Variants in EGFR observed in about 807,000 individuals in gnomAD.
EGFR encodes avian erythroblastic leukemia viral (v-erb-b) oncogene homolog.
In EGFR, 58 loss-of-function variants were observed where a neutral mutation model predicts 143.0. The observed-to-expected ratio is 0.41, with a 90% CI of 0.33 to 0.50. The LOEUF (loss-of-function observed/expected upper bound fraction) is 0.50. Among genes scored for constraint, EGFR ranks in the 20% least tolerant of loss-of-function variants. EGFR has a pLI of 0.39. For missense variants in EGFR, 1,307 were observed against 1,579.0 expected (o/e 0.83, Z 2.92); for synonymous variants, 613 against 594.4 (o/e 1.03, Z -0.45).
intron 1 of EGFR, among the ~76,000 whole-genome samples, chr7:55,088,282 C>T (rs1009015696): frequency 2.6e-5 from 4 of 152,168 alleles, no homozygotes; most frequent in African/African-American, 9.7e-5. Flanking sequence ...GGGGGAGGCC[C>T]CCTTCGCACA....
chr7:55,143,022 G>T (rs904948262), intron 2 of EGFR, among the ~76,000 whole-genome samples: 12 of 152,176 alleles, frequency 7.9e-5, no homozygotes, highest in Non-Finnish European at 1.5e-4. Flanking sequence ...ATTTTCACTG[G>T]AGAGTGTTGA....
rs905850175 is a variant in EGFR, at chr7:55,026,342, T to C, written c.88+6977T>C. Among the ~76,000 whole-genome samples the C allele has an allele frequency of 2.6e-5, 4 of 152,210 alleles. No homozygotes were observed. In the South Asian group the frequency reaches 6.2e-4, roughly 24 times the overall value. ...ACAAGTTAGTCCATTAAAAGTTTCC[T>C]GCAGTGAGGAAATAGCCAGAAAGAA... On this transcript the variant is annotated intron_variant, in intron 1 of 27. Transcript: ENST00000275493.
Position 55,129,177 on chromosome 7 carries a change from C to T in EGFR, c.89-13109C>T, listed in dbSNP as rs565122607. 5.9e-5 allele frequency among the ~76,000 whole-genome samples: 9 copies of T among 152,236 alleles called. 1 individual carries two copies. Among genetic ancestry groups the T allele is most frequent in the African/African-American group, 1.9e-4 (8 of 41,524 alleles). ...TGAGTGCTCATACATGAGAGAAAGC[C>T]GTGGGGACTACAGAAGCCAAGAAGC... On this transcript the variant is annotated intron_variant, in intron 1 of 27. Transcript: ENST00000275493.
chr7:55,108,880 A>G (rs917748398), intron 1 of EGFR, among the ~76,000 whole-genome samples: 10 of 152,234 alleles, frequency 6.6e-5, no homozygotes, highest in African/African-American at 1.9e-4. Context: ...TGAACTCCAC[A>G]AACATGAACT....
Position 55,046,587 on chromosome 7 carries a change from GAA to G in EGFR, c.88+27237_88+27238del, listed in dbSNP as rs11337454. On this transcript the variant is annotated intron_variant, in intron 1 of 27. Coordinates refer to ENST00000275493, the MANE Select transcript of EGFR (RefSeq NM_005228.5). ...GTGTTAGTGTTAATAGATGTTCTTG[GAA>G]AAAAAAAAAAAAAACAGCATTCTGA... Among the ~76,000 whole-genome samples the G allele has an allele frequency of 3.9e-3, 528 of 133,684 alleles. 8 individuals are homozygous for G. Among genetic ancestry groups the G allele is most frequent in the South Asian group, 0.033 (142 of 4,298 alleles). The allele number at this position is 133,684 out of a possible 152,430, so 87.7% of individuals were successfully genotyped here.
chr7:55,191,995 C>A (rs2128964988), intron 21 of EGFR, 121 bp downstream of exon 21: 1 of 1,449,024 alleles, frequency 6.9e-7, no homozygotes, highest in Non-Finnish European at 9.5e-7. Context: ...TCTGGGTGAG[C>A]TCGCAGCAGC....
intron 1 of EGFR, among the ~76,000 whole-genome samples, chr7:55,087,010 CA>C (rs1197268113): frequency 6.6e-6 from 1 of 152,040 alleles, no homozygotes; most frequent in Non-Finnish European, 1.5e-5. Context: ...GGAAGTCATC[CA>C]GAGTTATAAT....
At position 55,165,411 on chromosome 7, in the gene EGFR, C is replaced by T. The variant is rs2128946470; in HGVS notation, c.1854C>T (p.His618=). 1 of 1,614,102 alleles carries T rather than the reference C, an allele frequency of 6.2e-7. No homozygotes were observed. The highest frequency in any genetic ancestry group is 8.5e-7 in the Non-Finnish European group (1 of 1,179,954). Residue 618 remains histidine (H), a synonymous_variant, in exon 15 of 28, where the codon CAC becomes CAT. Transcript: ENST00000275493. The part of the protein sequence containing the change: ...WKYADAGHVC[H]LCHPNCTYGC... The stretch of plus-strand genomic sequence containing the variant: ...ACGCAGACGCCGGCCATGTGTGCCA[C>T]CTGTGCCATCCAAACTGCACCTACG...
At chr7:55,178,003 G>A (rs987308145) in intron 19 of EGFR, among the ~76,000 whole-genome samples, 1 of 152,226 alleles carries the variant, frequency 6.6e-6, no homozygotes, top group African/African-American at 2.4e-5. Context: ...TCTATCAGAT[G>A]TTAGTAGGAT....
intron 15 of EGFR, 21 bp downstream of exon 15, chr7:55,165,458 A>G (rs1271605530): frequency 1.3e-6 from 2 of 1,593,278 alleles, no homozygotes; most frequent in Admixed American, 1.8e-5. Flanking sequence ...AGTGAAGGAG[A>G]ACAGAACATT....
rs17290552 is a variant in EGFR, at chr7:55,191,604, A to G, written c.2470-115A>G. On this transcript the variant is annotated intron_variant, in intron 20 of 27. Transcript: ENST00000275493. ...CAGTAGTCACTAACGTTCGCCAGCC[A>G]TAAGTCCTCGACGTGGAGAGGCTCA... 8,811 of 1,422,272 alleles carry G rather than the reference A, an allele frequency of 6.2e-3. 441 individuals carry two copies. The African/African-American group carries it at 0.11, about 18-fold the overall frequency. The allele number at this position is 1,422,272 out of a possible 1,614,324, so 88.1% of individuals were successfully genotyped here.
chr7:55,163,682 T>C (rs369074632), intron 13 of EGFR, 51 bp from the exon 14 acceptor site: 1 of 1,510,210 alleles, frequency 6.6e-7, no homozygotes, highest in Non-Finnish European at 9.2e-7. Context: ...TTTGTGTTCC[T>C]GCAATAATGT....
chr7:55,104,856 T>C (rs1215228823), intron 1 of EGFR, among the ~76,000 whole-genome samples: 1 of 152,220 alleles, frequency 6.6e-6, no homozygotes, highest in Non-Finnish European at 1.5e-5. Context: ...GGAAAAGTGA[T>C]TTATAGTCAT....
rs1007256814 is a variant in EGFR, at chr7:55,208,535, C to T, written c.*2918C>T. 4 of 152,218 alleles carry T rather than the reference C, an allele frequency of 2.6e-5. No individual in the cohort carries two copies. Among genetic ancestry groups the T allele is most frequent in the Non-Finnish European group, 2.9e-5 (2 of 68,068 alleles). 9.4% of individuals were successfully genotyped at this position (152,218 alleles called of 1,614,324 possible). A position where few individuals can be genotyped will look rare whatever the true frequency, so the allele number is the denominator to read the frequency against. The stretch of plus-strand genomic sequence containing the variant: ...CACATTCATAGGTGCCGCCAGCCTT[C>T]GTGCATCTTCTTGCATCATCTCTAA... On this transcript the variant is annotated 3_prime_UTR_variant, in exon 28 of 28. Transcript: ENST00000275493.
At chr7:55,070,605 C>T (rs1008742173) in intron 1 of EGFR, among the ~76,000 whole-genome samples, 2 of 152,190 alleles carry the variant, frequency 1.3e-5, no homozygotes, top group Non-Finnish European at 2.9e-5. Context: ...TCCTCCAGTC[C>T]AACAGTTGCC....
intron 21 of EGFR, among the ~76,000 whole-genome samples, chr7:55,192,490 C>A (rs978783843): frequency 6.6e-6 from 1 of 152,194 alleles, no homozygotes; most frequent in Non-Finnish European, 1.5e-5. Flanking sequence ...ACACGCAGAC[C>A]TGGATGAGTG....
chr7:55,024,308 T>C (rs1002570396), intron 1 of EGFR, among the ~76,000 whole-genome samples: 2 of 152,218 alleles, frequency 1.3e-5, no homozygotes, highest in Non-Finnish European at 2.9e-5. Flanking sequence ...ATGCTTAGAG[T>C]AAATTTTACT....
chr7:55,125,020 A>AT (rs1401756013), intron 1 of EGFR, among the ~76,000 whole-genome samples: 2 of 152,178 alleles, frequency 1.3e-5, no homozygotes, highest in East Asian at 3.9e-4. Context: ...GGGAACCTTA[A>AT]TAAAGTGCAG....
intron 1 of EGFR, among the ~76,000 whole-genome samples, chr7:55,091,881 CACACACACA>C (rs1187924384): frequency 0.016 from 2,466 of 151,450 alleles, 75 homozygotes; most frequent in African/African-American, 0.055. Flanking sequence ...CACACACACA[CACACACACA>C]CCCTGAGAGA....
Sources: allele counts gnomAD v4.1 joint callset (sites outside exome capture counted in the v4.1 genomes callset), GRCh38; gene constraint gnomAD v4.1.1; transcripts MANE v1.5; gene names NCBI Gene and HGNC (gene_info 2026-07-23, HGNC 2026-07-21).